CTNNA3: variants seen among roughly 807,000 people sequenced by gnomAD.
CTNNA3 encodes catenin alpha 3, also known as catenin alpha-3.
In CTNNA3, 76 loss-of-function variants were observed where a neutral mutation model predicts 95.7. The ratio of observed to expected loss-of-function variants is 0.79; its 90% CI spans 0.66 to 0.96. CTNNA3 has a LOEUF of 0.96. CTNNA3 is among the 40% of genes least tolerant of loss of function. The pLI is 0.00. For synonymous variants in CTNNA3, 431 were observed against 374.4 expected, an observed-to-expected ratio of 1.15 and a Z score of -1.74; for missense variants, 1,191 against 1,089.8, an observed-to-expected ratio of 1.09 and a Z score of -1.31.
intron 5 of CTNNA3, among the ~76,000 whole-genome samples, chr10:67,323,132 C>T (rs934299622): frequency 6.6e-6 from 1 of 152,032 alleles, no homozygotes; most frequent in Admixed American, 6.6e-5. Flanking sequence ...TTGACAGATG[C>T]ATAGTTTGCT....
chr10:66,085,461 T>C (rs983202089), intron 14 of CTNNA3, among the ~76,000 whole-genome samples: 3 of 152,166 alleles, frequency 2.0e-5, no homozygotes, highest in African/African-American at 7.2e-5. Context: ...CTTGTCTGTA[T>C]AATAAGTTAA....
chr10:67,217,912 T>A (rs746712635), intron 6 of CTNNA3, among the ~76,000 whole-genome samples: 1 of 151,682 alleles, frequency 6.6e-6, no homozygotes, highest in African/African-American at 2.4e-5. Context: ...AAATTCAGCA[T>A]CTAACTTCAT....
intron 13 of CTNNA3, among the ~76,000 whole-genome samples, chr10:66,236,934 GT>G (rs1261590062): frequency 2.3e-4 from 35 of 150,584 alleles, no homozygotes; most frequent in African/African-American, 8.3e-4. Context: ...AGGCAATGTA[GT>G]GAGGCCATGT....
At chr10:67,253,627 G>T (rs1866201240) in intron 5 of CTNNA3, among the ~76,000 whole-genome samples, 2 of 152,178 alleles carry the variant, frequency 1.3e-5, no homozygotes, top group African/African-American at 4.8e-5. Context: ...GCCATCAGGG[G>T]ATTCAACTGT....
At chr10:67,232,427 G>T (rs1400805227) in intron 5 of CTNNA3, among the ~76,000 whole-genome samples, 1 of 151,938 alleles carries the variant, frequency 6.6e-6, no homozygotes. Flanking sequence ...CATAAGTGAA[G>T]GAGAAATAAA....
In CTNNA3 at chr10:67,666,127, T is replaced by C. The variant is rs542031685; in HGVS notation, c.-5-18609A>G. ...AGGAAGTACTTGTACAGGTTTGTTA[T>C]ATGGGTATACTACATGATGCTGACA... is the stretch of plus-strand genomic sequence containing the variant. On this transcript the variant is annotated intron_variant, in intron 1 of 17. Transcript: ENST00000433211. Among the ~76,000 whole-genome samples, 9 of 152,208 alleles carry C rather than the reference T, an allele frequency of 5.9e-5. No individual in the cohort carries two copies. In the South Asian group the frequency reaches 1.9e-3, roughly 31 times the overall value.
At chr10:67,336,241 C>T (rs1841992043) in intron 5 of CTNNA3, among the ~76,000 whole-genome samples, 1 of 152,068 alleles carries the variant, frequency 6.6e-6, no homozygotes, top group African/African-American at 2.4e-5. Flanking sequence ...ATTAATAATC[C>T]TAAAATGACT....
intron 1 of CTNNA3, among the ~76,000 whole-genome samples, chr10:67,674,286 T>G (rs983397350): frequency 6.6e-6 from 1 of 151,934 alleles, no homozygotes; most frequent in Non-Finnish European, 1.5e-5. Flanking sequence ...AATGTGCACA[T>G]AGAGGGGCAA....
chr10:67,707,598 T>C (rs1841085432), intron 1 of CTNNA3, among the ~76,000 whole-genome samples: 1 of 152,166 alleles, frequency 6.6e-6, no homozygotes. Flanking sequence ...TTAATTTGTT[T>C]AGTTATTCTG....
At chr10:66,977,141 A>G (rs762010799) in intron 7 of CTNNA3, among the ~76,000 whole-genome samples, 2 of 152,134 alleles carry the variant, frequency 1.3e-5, no homozygotes, top group Non-Finnish European at 2.9e-5. Flanking sequence ...TATAATGGGT[A>G]GAATATATAA....
At chr10:66,265,825 C>G (rs973596348) in intron 13 of CTNNA3, among the ~76,000 whole-genome samples, 3 of 151,992 alleles carry the variant, frequency 2.0e-5, no homozygotes, top group Non-Finnish European at 4.4e-5. Context: ...TATCACTCAT[C>G]ATAACTACTT....
At chr10:66,433,358 G>T (rs1407040987) in intron 11 of CTNNA3, among the ~76,000 whole-genome samples, 1 of 152,064 alleles carries the variant, frequency 6.6e-6, no homozygotes, top group Non-Finnish European at 1.5e-5. Context: ...GCATGAAATG[G>T]TATCTCATTG....
chr10:67,094,432 G>A (rs1394340867), intron 7 of CTNNA3, among the ~76,000 whole-genome samples: 1 of 151,684 alleles, frequency 6.6e-6, no homozygotes, highest in Non-Finnish European at 1.5e-5. Flanking sequence ...TGTATTTAAT[G>A]TAAACATCTA....
In CTNNA3 at chr10:67,233,162, T is replaced by G. The variant is rs190416837; in HGVS notation, c.580-13292A>C. On this transcript the variant is annotated intron_variant, in intron 5 of 17. Coordinates refer to ENST00000433211, the MANE Select transcript of CTNNA3 (RefSeq NM_013266.4). Reference sequence around the variant, plus strand: ...AACTCAGCTCCGCACCAAGCGGACCTAATAGACATCTACAGAACTCTCCAC... The same window carrying G: ...AACTCAGCTCCGCACCAAGCGGACCGAATAGACATCTACAGAACTCTCCAC... Among the ~76,000 whole-genome samples the G allele has an allele frequency of 3.0e-4, 46 of 152,340 alleles. No homozygotes were observed. The East Asian group carries it at 7.3e-3, about 24-fold the overall frequency.
intron 13 of CTNNA3, among the ~76,000 whole-genome samples, chr10:66,250,438 T>C (rs2090504266): frequency 3.9e-5 from 6 of 152,210 alleles, no homozygotes; most frequent in Admixed American, 3.9e-4. Flanking sequence ...AATTTGTTTA[T>C]GACACCAAGG....
intron 7 of CTNNA3, among the ~76,000 whole-genome samples, chr10:66,998,699 C>T (rs1447875428): frequency 6.6e-6 from 1 of 151,960 alleles, no homozygotes; most frequent in Admixed American, 6.6e-5. Context: ...TAACATTGTC[C>T]AGAATATACA....
At chr10:67,722,202 G>A (rs1005413390) in intron 1 of CTNNA3, among the ~76,000 whole-genome samples, 1 of 152,134 alleles carries the variant, frequency 6.6e-6, no homozygotes, top group Non-Finnish European at 1.5e-5. Context: ...TTCAGCATTA[G>A]GGTTTACATC....
intron 5 of CTNNA3, among the ~76,000 whole-genome samples, chr10:67,364,181 C>T (rs1843116082): frequency 6.6e-6 from 1 of 152,136 alleles, no homozygotes; most frequent in African/African-American, 2.4e-5. Context: ...ATATGCAAAT[C>T]AATAAACGTA....
chr10:66,672,084 C>A (rs116069232), intron 9 of CTNNA3, among the ~76,000 whole-genome samples: 1 of 152,086 alleles, frequency 6.6e-6, no homozygotes, highest in Non-Finnish European at 1.5e-5. Flanking sequence ...GTAGTCAAGT[C>A]AGCTGATCAA....
Sources: allele counts gnomAD v4.1 joint callset (sites outside exome capture counted in the v4.1 genomes callset), GRCh38; gene constraint gnomAD v4.1.1; transcripts MANE v1.5; gene names NCBI Gene and HGNC (gene_info 2026-07-23, HGNC 2026-07-21).